The following ENTREP2 variants were observed in gnomAD, a reference collection of about 807,000 sequenced individuals.
ENTREP2 encodes the protein protein ENTREP2.
chr15:29,478,248 C>T, the ENTREP2 span, among the ~76,000 whole-genome samples: 2 of 151,650 alleles, frequency 1.3e-5, no homozygotes, highest in African/African-American at 2.4e-5. Flanking sequence ...AGAATGGTCT[C>T]GATCTCCTGA....
the ENTREP2 span, among the ~76,000 whole-genome samples, chr15:29,254,178 A>AAT: frequency 6.7e-5 from 10 of 150,062 alleles, no homozygotes; most frequent in African/African-American, 2.5e-4. Flanking sequence ...AAAAAAAAAA[A>AAT]AAAAAAAAAA....
At chr15:29,388,952 CG>C in the ENTREP2 span, among the ~76,000 whole-genome samples, 1 of 103,394 alleles carries the variant, frequency 9.7e-6, no homozygotes, top group Non-Finnish European at 1.8e-5. Flanking sequence ...CATCACACAC[CG>C]GGGCCTGTTG....
the ENTREP2 span, among the ~76,000 whole-genome samples, chr15:29,534,469 AG>A: frequency 6.3e-4 from 96 of 152,360 alleles, 1 homozygote; most frequent in African/African-American, 2.2e-3. Context: ...CATGAAAAAA[AG>A]GGTTGCTTTA....
the ENTREP2 span, among the ~76,000 whole-genome samples, chr15:29,418,156 T>G: frequency 2.0e-5 from 3 of 152,190 alleles, no homozygotes; most frequent in African/African-American, 2.4e-5. Flanking sequence ...CAGTATTTTA[T>G]CAAAACATTA....
chr15:29,266,152 C>A, the ENTREP2 span: 1 of 152,126 alleles, frequency 6.6e-6, no homozygotes, highest in South Asian at 2.1e-4. Flanking sequence ...GACATGAAAT[C>A]TGACACTCAA....
At chr15:29,377,363 T>A in the ENTREP2 span, among the ~76,000 whole-genome samples, 1 of 152,062 alleles carries the variant, frequency 6.6e-6, no homozygotes, top group Admixed American at 6.6e-5. Context: ...GCAGACACTT[T>A]ACATACCACC....
chr15:29,219,167 T>C, the ENTREP2 span, among the ~76,000 whole-genome samples: 1 of 150,628 alleles, frequency 6.6e-6, no homozygotes, highest in East Asian at 1.9e-4. Context: ...GAATAGAGAA[T>C]TCTCAAAAGA....
chr15:29,284,275 G>C, the ENTREP2 span, among the ~76,000 whole-genome samples: 3 of 151,978 alleles, frequency 2.0e-5, no homozygotes, highest in East Asian at 5.8e-4. Context: ...ACCAGTCTAG[G>C]GGCCGGGCGC....
the ENTREP2 span, among the ~76,000 whole-genome samples, chr15:29,263,878 G>C: frequency 6.6e-6 from 1 of 152,156 alleles, no homozygotes; most frequent in South Asian, 2.1e-4. Flanking sequence ...TGAACTCCTG[G>C]GTGGGCGCGG....
chr15:29,169,360 T>C, the ENTREP2 span, among the ~76,000 whole-genome samples: 102 of 152,242 alleles, frequency 6.7e-4, no homozygotes, highest in Admixed American at 1.4e-3. Flanking sequence ...GTACCCTAAA[T>C]CTACAATAAT....
chr15:29,374,018 A>G, the ENTREP2 span: 1 of 152,050 alleles, frequency 6.6e-6, no homozygotes, highest in Admixed American at 6.6e-5. Flanking sequence ...GCAAAATATA[A>G]TTGTCTATCT....
chr15:29,594,937 A>G, the ENTREP2 span, among the ~76,000 whole-genome samples: 9,782 of 151,852 alleles, frequency 0.064, 626 homozygotes, highest in East Asian at 0.29. Context: ...GCGTGGTGGC[A>G]GGCACGTGTA....
the ENTREP2 span, among the ~76,000 whole-genome samples, chr15:29,426,304 A>C: frequency 0.14 from 21,906 of 152,146 alleles, 1,894 homozygotes; most frequent in East Asian, 0.31. Context: ...AAATATGCAA[A>C]TGTTGCTGCA....
At chr15:29,480,824 TG>T in the ENTREP2 span, among the ~76,000 whole-genome samples, 1 of 151,874 alleles carries the variant, frequency 6.6e-6, no homozygotes, top group Non-Finnish European at 1.5e-5. Flanking sequence ...CGGCTGCAGT[TG>T]GGGGGTGAGA....
At chr15:29,334,925 C>T in the ENTREP2 span, among the ~76,000 whole-genome samples, 1 of 152,204 alleles carries the variant, frequency 6.6e-6, no homozygotes, top group African/African-American at 2.4e-5. Flanking sequence ...GCTGCTCTGT[C>T]TATCCCAGCC....
the ENTREP2 span, among the ~76,000 whole-genome samples, chr15:29,362,574 C>T: frequency 7.2e-5 from 11 of 151,830 alleles, no homozygotes; most frequent in Admixed American, 7.2e-4. Context: ...AGGGTTTTAC[C>T]ATGTTACCCA....
chr15:29,398,324 A>G, the ENTREP2 span, among the ~76,000 whole-genome samples: 2 of 152,010 alleles, frequency 1.3e-5, no homozygotes, highest in East Asian at 3.8e-4. Context: ...GTCAGGAATG[A>G]AAAGATGGTT....
chr15:29,488,865 C>T, the ENTREP2 span, among the ~76,000 whole-genome samples: 1 of 152,154 alleles, frequency 6.6e-6, no homozygotes, highest in Non-Finnish European at 1.5e-5. Flanking sequence ...GAGAAATTTA[C>T]ACCCACATAT....
chr15:29,499,542 A>T, the ENTREP2 span, among the ~76,000 whole-genome samples: 8 of 141,670 alleles, frequency 5.6e-5, no homozygotes, highest in Admixed American at 3.6e-4. Flanking sequence ...CACTAGGCTA[A>T]TTTTTTTTTT....
Sources: gnomAD v4.1 joint callset for allele counts (sites outside exome capture counted in the v4.1 genomes callset) on GRCh38, gnomAD v4.1.1 for gene constraint, MANE v1.5 for transcripts, NCBI Gene and HGNC (gene_info 2026-07-23, HGNC 2026-07-21) for gene names.